The following SLC45A3 variants were observed in gnomAD, a reference collection of about 807,000 sequenced individuals.
SLC45A3 encodes solute carrier family 45 member 3.
SLC45A3 carries 17 observed loss-of-function variants against 35.3 expected under a neutral mutation model. The ratio of observed to expected loss-of-function variants is 0.48; its 90% CI spans 0.33 to 0.72. The LOEUF is 0.72. SLC45A3 is among the 30% of genes least tolerant of loss of function. SLC45A3 has a pLI of 0.02. For synonymous variants in SLC45A3, 288 were observed against 334.3 expected, an observed-to-expected ratio of 0.86 and a Z score of 1.51; for missense variants, 597 against 731.7, an observed-to-expected ratio of 0.82 and a Z score of 2.12.
chr1:205,662,173 C>A lies in SLC45A3; in HGVS notation c.959-47G>T, dbSNP rs555347637. ...CAGACAGAGCCTGGGAGGGAAGGGT[C>A]GGAGCAGTCTCAGGGAGATGAGAAG... is the stretch of plus-strand genomic sequence containing the variant. On this transcript the variant is annotated intron_variant, in intron 3 of 4. Transcript: ENST00000367145. This position sits in a 1 kb window ranked among gnomAD's most constrained non-coding sequence, Gnocchi z 6.2. 12 of 1,577,610 alleles carry A rather than the reference C, an allele frequency of 7.6e-6. No homozygotes were observed. The highest frequency in any genetic ancestry group is 6.8e-5 in the East Asian group (3 of 44,120).
intron 1 of SLC45A3, among the ~76,000 whole-genome samples, chr1:205,670,226 T>C (rs1286541230): frequency 6.6e-6 from 1 of 152,138 alleles, no homozygotes; most frequent in African/African-American, 2.4e-5. Context: ...TCATGACAGA[T>C]CCCCTTTGTG....
Position 205,662,858 on chromosome 1 carries a change from G to A in SLC45A3, c.933C>T (p.Thr311=), listed in dbSNP as rs146644393. The change falls in exon 3 of 5, where the codon ACC becomes ACT. Residue 311 remains threonine (T), a synonymous_variant. Transcript: ENST00000367145. The surrounding 1 kb of genome is among the most constrained non-coding windows in gnomAD (Gnocchi z 6.2). The part of the protein sequence containing the change: ...YQGVPRAEPG[T]EARRHYDEGV... ...CTTCATCATAGTGTCTCCGGGCCTCGGTGCCCGGCTCAGCTCTGGGCACGC... is the reference window on the plus strand; with the variant it reads ...CTTCATCATAGTGTCTCCGGGCCTCAGTGCCCGGCTCAGCTCTGGGCACGC... 3.0e-4 allele frequency: 478 copies of A among 1,602,228 alleles called. 2 individuals are homozygous for A. The African/African-American group carries it at 5.7e-3, about 19-fold the overall frequency.
chr1:205,671,957 T>C (rs1231033539), intron 1 of SLC45A3, among the ~76,000 whole-genome samples: 1 of 152,170 alleles, frequency 6.6e-6, no homozygotes, highest in Non-Finnish European at 1.5e-5. Context: ...TACTAGGCAC[T>C]CTGCCGTGCG....
rs996081300 is a variant in SLC45A3, at chr1:205,663,607, C to A, written c.184G>T (p.Val62Leu). Reference sequence around the variant, plus strand: ...AGCGGGACACAGACCAGGCCCAGCACTGGACCAATGCCTGCAAGAAGGGAA... The same window carrying A: ...AGCGGGACACAGACCAGGCCCAGCAATGGACCAATGCCTGCAAGAAGGGAA... The part of the protein sequence containing the change: ...FMTMVLGIGP[V>L]LGLVCVPLLG... The change falls in exon 3 of 5, where the codon GTG becomes TTG. Residue 62 changes from valine to leucine, a missense_variant. By Grantham distance (32) the Val-to-Leu change is conservative (BLOSUM62 1). This residue lies in a region of SLC45A3 where 555 missense variants were observed against 664.9 expected (regional missense o/e 0.83). Transcript: ENST00000367145. The A allele has an allele frequency of 1.0e-5, 16 of 1,583,826 alleles. No individual in the cohort carries two copies. The highest frequency in any genetic ancestry group is 1.4e-5 in the Non-Finnish European group (16 of 1,166,560).
chr1:205,680,101 G>T (rs1213148551), intron 1 of SLC45A3, among the ~76,000 whole-genome samples: 1 of 149,384 alleles, frequency 6.7e-6, no homozygotes, highest in Non-Finnish European at 1.5e-5. Context: ...CCGCCGCCCC[G>T]CCTGGGACAG....
rs761631942 is a variant in SLC45A3, at chr1:205,659,613, A to T, written c.1283T>A (p.Met428Lys). 3.2e-6 allele frequency: 5 copies of T among 1,558,200 alleles called. No homozygotes were observed. The African/African-American group carries it at 4.1e-5, about 13-fold the overall frequency. Residue 428 changes from methionine (M) to lysine (K), a missense_variant, in exon 5 of 5, where the codon ATG becomes AAG. Around this residue, in one of 3 missense-constraint regions of SLC45A3, gnomAD observed 555 missense variants for 664.9 expected, o/e 0.83. Transcript: ENST00000367145. This position sits in a 1 kb window ranked among gnomAD's most constrained non-coding sequence, Gnocchi z 5.8. ...CTTAGGGCCTGGCAGGAAGCTGGTCATCAGGCTGTCCTCACTGCTAGCACC... is the reference window on the plus strand; with the variant it reads ...CTTAGGGCCTGGCAGGAAGCTGGTCTTCAGGCTGTCCTCACTGCTAGCACC... The part of the protein sequence containing the change: ...TGGASSEDSL[M>K]TSFLPGPKPG...
chr1:205,668,992 A>G (rs943194870), intron 1 of SLC45A3, among the ~76,000 whole-genome samples: 25 of 152,132 alleles, frequency 1.6e-4, no homozygotes, highest in African/African-American at 5.8e-4. Flanking sequence ...ACATGCCCCT[A>G]TGCATCCCAA....
chr1:205,668,464 C>T (rs1671153416), intron 1 of SLC45A3, among the ~76,000 whole-genome samples: 1 of 152,256 alleles, frequency 6.6e-6, no homozygotes, highest in Non-Finnish European at 1.5e-5. Context: ...AAGCTTCTTG[C>T]CAAAGCTTGC....
At chr1:205,660,223 C>G (rs896210380) in intron 4 of SLC45A3, among the ~76,000 whole-genome samples, 1 of 152,078 alleles carries the variant, frequency 6.6e-6, no homozygotes, top group African/African-American at 2.4e-5. Context: ...CTCCCTTGTC[C>G]CCAGCCTTGG....
Position 205,663,343 on chromosome 1 carries a change from G to C in SLC45A3, c.448C>G (p.Leu150Val). The C allele has an allele frequency of 1.2e-6, 2 of 1,613,436 alleles. No individual in the cohort carries two copies. Among genetic ancestry groups the C allele is most frequent in the East Asian group, 2.2e-5 (1 of 44,878 alleles). Residue 150 changes from leucine (L) to valine (V), a missense_variant, in exon 3 of 5, where the codon CTC becomes GTC. This residue lies in a region of SLC45A3 where 555 missense variants were observed against 664.9 expected (regional missense o/e 0.83). Transcript: ENST00000367145. ...FTPLEALLSD[L>V]FRDPDHCRQA... The stretch of plus-strand genomic sequence containing the variant: ...CGACAGTGGTCCGGGTCCCGGAAGA[G>C]GTCAGAGAGCAGGGCCTCCAGTGGA...
In SLC45A3 at chr1:205,659,013, T is replaced by C; in HGVS notation, c.*221A>G. 1.8e-6 allele frequency: 1 copy of C among 566,886 alleles called. No individual in the cohort carries two copies. Among genetic ancestry groups the C allele is most frequent in the Non-Finnish European group, 3.1e-6 (1 of 321,336 alleles). 35.1% of individuals were successfully genotyped at this position (566,886 alleles called of 1,614,324 possible). On this transcript the variant is annotated 3_prime_UTR_variant, in exon 5 of 5. Coordinates refer to ENST00000367145, the MANE Select transcript of SLC45A3 (RefSeq NM_033102.3). This position sits in a 1 kb window ranked among gnomAD's most constrained non-coding sequence, Gnocchi z 5.8. Reference sequence around the variant, plus strand: ...CAGACTGAAACCCCCTTGGAAGGCCTCCAGTCAGGCAGCCCTAGAGACTGG... The same window carrying C: ...CAGACTGAAACCCCCTTGGAAGGCCCCCAGTCAGGCAGCCCTAGAGACTGG...
At chr1:205,665,668 C>A (rs930973332) in intron 1 of SLC45A3, among the ~76,000 whole-genome samples, 1 of 152,296 alleles carries the variant, frequency 6.6e-6, no homozygotes, top group South Asian at 2.1e-4. Flanking sequence ...ACAGGATGCC[C>A]AGCCACTTCC....
chr1:205,659,136 G>T lies in SLC45A3; in HGVS notation c.*98C>A. The T allele has an allele frequency of 7.7e-7, 1 of 1,291,470 alleles. No individual in the cohort carries two copies. Among genetic ancestry groups the T allele is most frequent in the Non-Finnish European group, 1.1e-6 (1 of 931,456 alleles). 80.0% of individuals were successfully genotyped at this position (1,291,470 alleles called of 1,614,324 possible). A position where few individuals can be genotyped will look rare whatever the true frequency, so the allele number is the denominator to read the frequency against. ...GAGCCACATTACTTTGGCAGCAACAGAAACTGGCGGCCAGCCCGGCAGCCC... is the reference window on the plus strand; with the variant it reads ...GAGCCACATTACTTTGGCAGCAACATAAACTGGCGGCCAGCCCGGCAGCCC... On this transcript the variant is annotated 3_prime_UTR_variant, in exon 5 of 5. Transcript: ENST00000367145. The surrounding 1 kb of genome is among the most constrained non-coding windows in gnomAD (Gnocchi z 5.8).
In SLC45A3 at chr1:205,669,467, C is replaced by A. The variant is rs994623209; in HGVS notation, c.-230-4581G>T. On this transcript the variant is annotated intron_variant, in intron 1 of 4. Transcript: ENST00000367145. This position sits in a 1 kb window ranked among gnomAD's most constrained non-coding sequence, Gnocchi z 4.1. The stretch of plus-strand genomic sequence containing the variant: ...GGGCTTTCAAAGGGGCTTCTGCCAC[C>A]CCGCATGGCTGAGGTGGAGCTGGGG... Among the ~76,000 whole-genome samples the A allele has an allele frequency of 2.0e-5, 3 of 152,168 alleles. No homozygotes were observed. The highest frequency in any genetic ancestry group is 7.2e-5 in the African/African-American group (3 of 41,452).
At position 205,666,861 on chromosome 1, in the gene SLC45A3, G is replaced by C. The variant is rs1671127551; in HGVS notation, c.-230-1975C>G. Among the ~76,000 whole-genome samples the C allele has an allele frequency of 2.0e-5, 3 of 152,158 alleles. No homozygotes were observed. Among genetic ancestry groups the C allele is most frequent in the Non-Finnish European group, 4.4e-5 (3 of 68,022 alleles). ...GCAGGAGACAGCACAGAGACCAAGA[G>C]GCAGTGCTATCCAGCCTAAAGGGAG... On this transcript the variant is annotated intron_variant, in intron 1 of 4. Coordinates refer to ENST00000367145, the MANE Select transcript of SLC45A3 (RefSeq NM_033102.3). This position sits in a 1 kb window ranked among gnomAD's most constrained non-coding sequence, Gnocchi z 4.1.
Position 205,659,247 on chromosome 1 carries a change from T to C in SLC45A3, c.1649A>G (p.Lys550Arg), listed in dbSNP as rs1670973095. The change falls in exon 5 of 5, where the codon AAA (lysine) becomes AGA (arginine). Residue 550 changes from lysine (K) to arginine (R), a missense_variant. Lys to Arg is a conservative substitution (Grantham distance 26). Transcript: ENST00000367145. This position sits in a 1 kb window ranked among gnomAD's most constrained non-coding sequence, Gnocchi z 5.8. Reference sequence around the variant, plus strand: ...GCTGGAAGTTTTCTACGCTGAGTATTTGGCCAAGTCGCTCTTGTCAAATAC... The same window carrying C: ...GCTGGAAGTTTTCTACGCTGAGTATCTGGCCAAGTCGCTCTTGTCAAATAC... ...QVVFDKSDLAKYSA is the reference protein window; with the variant it reads ...QVVFDKSDLARYSA 6.2e-7 allele frequency: 1 copy of C among 1,611,500 alleles called. No homozygotes were observed. Among genetic ancestry groups the C allele is most frequent in the Non-Finnish European group, 8.5e-7 (1 of 1,178,484 alleles).
chr1:205,677,490 A>G (rs2102411193), intron 1 of SLC45A3, among the ~76,000 whole-genome samples: 1 of 152,340 alleles, frequency 6.6e-6, no homozygotes, highest in East Asian at 1.9e-4. Context: ...AATCCTGGAA[A>G]TACTGTGAGG....
intron 4 of SLC45A3, among the ~76,000 whole-genome samples, chr1:205,660,771 G>A (rs1671005583): frequency 6.6e-6 from 1 of 152,082 alleles, no homozygotes; most frequent in East Asian, 2.0e-4. Flanking sequence ...AGGCCTGGCC[G>A]CTGATGCCAG....
In SLC45A3 at chr1:205,659,206, C is replaced by A; in HGVS notation, c.*28G>T. 6.4e-7 allele frequency: 1 copy of A among 1,573,884 alleles called. No homozygotes were observed. The highest frequency in any genetic ancestry group is 8.6e-7 in the Non-Finnish European group (1 of 1,157,052). On this transcript the variant is annotated 3_prime_UTR_variant, in exon 5 of 5. Coordinates refer to ENST00000367145, the MANE Select transcript of SLC45A3 (RefSeq NM_033102.3). The surrounding 1 kb of genome is among the most constrained non-coding windows in gnomAD (Gnocchi z 5.8). ...GGGAGCTGGGACCCAGTGAGGCAGG[C>A]CCTCCACCCCAATGTGCTGGAAGTT...
Sources: gnomAD v4.1 joint callset for allele counts (sites outside exome capture counted in the v4.1 genomes callset) on GRCh38, gnomAD v4.1.1 for gene constraint, gnomAD v4.1.1 regional missense constraint, Gnocchi (gnomAD v3.1) non-coding constraint, MANE v1.5 for transcripts, NCBI Gene and HGNC (gene_info 2026-07-23, HGNC 2026-07-21) for gene names.